Variants in CYFIP2 observed in about 807,000 individuals in gnomAD.
CYFIP2 encodes cytoplasmic FMR1 interacting protein 2.
In CYFIP2, 29 loss-of-function variants were observed where a neutral mutation model predicts 158.7. That is an observed-to-expected ratio of 0.18 (90% confidence interval 0.14 to 0.25). The LOEUF (loss-of-function observed/expected upper bound fraction) is 0.25, where lower values mean the gene tolerates loss of function less well. Ranked by LOEUF, CYFIP2 falls within the 10% of genes least tolerant of loss-of-function variation. CYFIP2 has a pLI of 1.00. For synonymous variants in CYFIP2, 585 were observed against 617.6 expected, an observed-to-expected ratio of 0.95 and a Z score of 0.78; for missense variants, 852 against 1,639.5, an observed-to-expected ratio of 0.52 and a Z score of 8.29.
At chr5:157,308,203 G>A (rs192114215) in intron 9 of CYFIP2, among the ~76,000 whole-genome samples, 2 of 151,532 alleles carry the variant, frequency 1.3e-5, no homozygotes, top group Admixed American at 1.3e-4. Flanking sequence ...CACTTAAAGA[G>A]GTACATCCCA....
intron 23 of CYFIP2, among the ~76,000 whole-genome samples, chr5:157,344,161 C>T (rs555860448): frequency 2.2e-4 from 34 of 152,220 alleles, no homozygotes; most frequent in African/African-American, 7.2e-4. Flanking sequence ...TCAAAGCCAG[C>T]GGTACCAGGA....
chr5:157,314,734 A>G (rs1371544061), intron 12 of CYFIP2, among the ~76,000 whole-genome samples: 9 of 152,132 alleles, frequency 5.9e-5, no homozygotes, highest in African/African-American at 2.2e-4. Flanking sequence ...TCTGCTTTCT[A>G]CCTCTATAGG....
intron 1 of CYFIP2, among the ~76,000 whole-genome samples, chr5:157,274,068 T>C (rs1222306647): frequency 6.6e-6 from 1 of 150,662 alleles, no homozygotes; most frequent in African/African-American, 2.4e-5. Context: ...CCGGCAGAGG[T>C]TGCAGTGAGT....
chr5:157,296,322 G>A (rs182089370), intron 4 of CYFIP2, among the ~76,000 whole-genome samples: 148 of 152,324 alleles, frequency 9.7e-4, no homozygotes, highest in Middle Eastern at 3.4e-3. Context: ...GGCCGTGCAT[G>A]GTGGCTCATG....
At chr5:157,368,894 G>T (rs78519149) in intron 26 of CYFIP2, among the ~76,000 whole-genome samples, 1,140 of 109,188 alleles carry the variant, frequency 0.01, 18 homozygotes, top group African/African-American at 0.038. Flanking sequence ...GAGGTTTTTT[G>T]TTTTTTTGTT....
chr5:157,354,715 C>T (rs1763298168), intron 23 of CYFIP2, among the ~76,000 whole-genome samples: 1 of 152,022 alleles, frequency 6.6e-6, no homozygotes, highest in Non-Finnish European at 1.5e-5. Flanking sequence ...CCAAGACTGA[C>T]ATAGGAATGT....
chr5:157,289,888 C>G (rs2113856008), intron 3 of CYFIP2, among the ~76,000 whole-genome samples: 1 of 152,258 alleles, frequency 6.6e-6, no homozygotes, highest in South Asian at 2.1e-4. Context: ...GGGACAGATT[C>G]CATGTGTTAG....
intron 23 of CYFIP2, chr5:157,343,232 G>A (rs1762421369): frequency 6.2e-7 from 1 of 1,614,114 alleles, no homozygotes; most frequent in African/African-American, 1.3e-5. Context: ...GGAGCTTCCA[G>A]GAGCCAGCGG....
intron 1 of CYFIP2, among the ~76,000 whole-genome samples, chr5:157,280,979 A>G (rs1261211499): frequency 2.6e-5 from 4 of 152,214 alleles, no homozygotes; most frequent in Non-Finnish European, 5.9e-5. Flanking sequence ...TAGGATCCAA[A>G]TAAGGTCCAC....
intron 23 of CYFIP2, chr5:157,343,318 G>A (rs375982007): frequency 1.1e-4 from 172 of 1,614,076 alleles, no homozygotes; most frequent in Non-Finnish European, 1.4e-4. Flanking sequence ...TGATGCACAG[G>A]AAGTAGAGAG....
Position 157,311,613 on chromosome 5 carries a change from CCCAG to C in CYFIP2, c.993-50_993-47del. 4.6e-6 allele frequency: 7 copies of C among 1,513,316 alleles called. No homozygotes were observed. The highest frequency in any genetic ancestry group is 6.3e-6 in the Non-Finnish European group (7 of 1,114,744). 93.7% of individuals were successfully genotyped at this position (1,513,316 alleles called of 1,614,324 possible). On this transcript the variant is annotated intron_variant, in intron 10 of 30. Transcript: ENST00000620254. This position sits in a 1 kb window ranked among gnomAD's most constrained non-coding sequence, Gnocchi z 4.7. The stretch of plus-strand genomic sequence containing the variant: ...CCAGGAGCAGCTAATGCCTGTTCCA[CCCAG>C]GCGCCTGAGGCTGGGACCCTCTCCG...
chr5:157,393,073 A>G lies in CYFIP2; in HGVS notation c.*73A>G. 4 of 1,558,792 alleles carry G rather than the reference A, an allele frequency of 2.6e-6. No individual in the cohort carries two copies. In the South Asian group the frequency reaches 3.6e-5, roughly 14 times the overall value. On this transcript the variant is annotated 3_prime_UTR_variant, in exon 31 of 31. Coordinates refer to ENST00000620254, the MANE Select transcript of CYFIP2 (RefSeq NM_001037333.3). ...GAGAGAAAGCCACAGCCAGCCTGCC[A>G]TAGGATCCAACTGGACAACGTGTGG...
intron 15 of CYFIP2, among the ~76,000 whole-genome samples, chr5:157,321,023 G>GGGT (rs1760551736): frequency 1.3e-5 from 2 of 152,362 alleles, no homozygotes; most frequent in African/African-American, 4.8e-5. Context: ...CTAGATACCT[G>GGGT]TGTGACCTCG....
chr5:157,351,368 C>A (rs113486008), intron 23 of CYFIP2, among the ~76,000 whole-genome samples: 151 of 152,290 alleles, frequency 9.9e-4, no homozygotes, highest in African/African-American at 3.2e-3. Context: ...CTTGCTTTTC[C>A]TCTCTTAAAT....
At chr5:157,324,369 A>T (rs1409896742) in intron 16 of CYFIP2, among the ~76,000 whole-genome samples, 1 of 152,204 alleles carries the variant, frequency 6.6e-6, no homozygotes, top group Non-Finnish European at 1.5e-5. Context: ...ACATACAGAC[A>T]CACGGATGCT....
At chr5:157,380,104 G>A (rs924680773) in intron 26 of CYFIP2, 6 of 152,262 alleles carry the variant, frequency 3.9e-5, no homozygotes, top group African/African-American at 9.7e-5. Context: ...CCTTGAGCCA[G>A]ATACCAGTCT....
At chr5:157,335,300 C>T (rs1013605334) in intron 21 of CYFIP2, among the ~76,000 whole-genome samples, 5 of 152,152 alleles carry the variant, frequency 3.3e-5, no homozygotes, top group Non-Finnish European at 5.9e-5. Context: ...TCTTTTGAGA[C>T]GGAGTCTTGC....
At chr5:157,376,835 ACT>A (rs141552503) in intron 26 of CYFIP2, 4,865 of 446,510 alleles carry the variant, frequency 0.011, 196 homozygotes, top group African/African-American at 0.093. Flanking sequence ...TACTCTGCAG[ACT>A]CTGCAGGGCC....
intron 23 of CYFIP2, chr5:157,345,580 G>A (rs1377531484): frequency 6.6e-6 from 1 of 152,594 alleles, no homozygotes; most frequent in Non-Finnish European, 1.5e-5. Context: ...TCTGCCCTCC[G>A]AGGTGCAGTA....
Sources: gnomAD v4.1 joint callset for allele counts (sites outside exome capture counted in the v4.1 genomes callset) on GRCh38, gnomAD v4.1.1 for gene constraint, Gnocchi (gnomAD v3.1) non-coding constraint, MANE v1.5 for transcripts, NCBI Gene and HGNC (gene_info 2026-07-23, HGNC 2026-07-21) for gene names.